The following BFSP2 variants were observed in gnomAD, a reference collection of about 807,000 sequenced individuals.
BFSP2 encodes beaded filament structural protein 2.
BFSP2 carries 38 observed loss-of-function variants against 44.9 expected under a neutral mutation model. The ratio of observed to expected loss-of-function variants is 0.85; its 90% CI spans 0.65 to 1.11. BFSP2 has a LOEUF of 1.11. BFSP2 is among the 50% of genes least tolerant of loss of function. The pLI is 0.00. For synonymous variants in BFSP2, 197 were observed against 209.9 expected (o/e 0.94, Z 0.53); for missense variants, 525 against 533.0 (o/e 0.99, Z 0.15).
At chr3:133,436,262 C>T (rs1349601767) in intron 1 of BFSP2, among the ~76,000 whole-genome samples, 1 of 142,446 alleles carries the variant, frequency 7.0e-6, no homozygotes, top group African/African-American at 2.7e-5. Flanking sequence ...GGAGGTGGAG[C>T]TTGCAGTGAG....
rs1356160427 is a variant in BFSP2, at chr3:133,433,260, A to G, written c.490-14057A>G. ...CCTGTTCCTCACCCTGATCACACTT[A>G]GTTTTTTGATGGCAGTTCCACCAGG... is the stretch of plus-strand genomic sequence containing the variant. On this transcript the variant is annotated intron_variant, in intron 1 of 6. Coordinates refer to ENST00000302334, the MANE Select transcript of BFSP2 (RefSeq NM_003571.4). Among the ~76,000 whole-genome samples the G allele has an allele frequency of 3.9e-4, 59 of 152,142 alleles. 1 individual carries two copies. Among genetic ancestry groups the G allele is most frequent in the African/African-American group, 1.4e-3 (58 of 41,468 alleles).
chr3:133,400,192 G>A lies in BFSP2; in HGVS notation c.109G>A (p.Glu37Lys). ...FRGPRSSSSLESPPASRTNAM... is the reference protein window; with the variant it reads ...FRGPRSSSSLKSPPASRTNAM... ...GGGGCCACGGTCATCATCCTCCCTG[G>A]AGAGCCCCCCAGCCTCCAGGACCAA... The change falls in exon 1 of 7, where the codon GAG (glutamate) becomes AAG (lysine). Residue 37 changes from glutamate (E) to lysine (K), a missense_variant. Transcript: ENST00000302334. This position sits in a 1 kb window ranked among gnomAD's most constrained non-coding sequence, Gnocchi z 4.0. The A allele has an allele frequency of 3.7e-6, 6 of 1,614,102 alleles. No homozygotes were observed. The highest frequency in any genetic ancestry group is 5.1e-6 in the Non-Finnish European group (6 of 1,180,022).
intron 1 of BFSP2, among the ~76,000 whole-genome samples, chr3:133,407,434 C>G (rs1171866599): frequency 6.6e-6 from 1 of 152,154 alleles, no homozygotes; most frequent in Non-Finnish European, 1.5e-5. Flanking sequence ...ATAAAGATGT[C>G]TCTTCTCCCT....
intron 1 of BFSP2, chr3:133,409,944 A>G: frequency 6.3e-6 from 1 of 158,878 alleles, no homozygotes; most frequent in Non-Finnish European, 1.4e-5. Context: ...AAAGAAGTCA[A>G]GATAAGCAAC....
intron 1 of BFSP2, among the ~76,000 whole-genome samples, chr3:133,406,020 G>A (rs188695019): frequency 2.4e-3 from 369 of 152,118 alleles, no homozygotes; most frequent in Admixed American, 4.2e-3. Context: ...GCGCAATCTC[G>A]GCTCACTGCA....
At chr3:133,412,295 AC>A (rs1253421760) in intron 1 of BFSP2, 5 of 152,228 alleles carry the variant, frequency 3.3e-5, no homozygotes, top group African/African-American at 9.6e-5. Context: ...CAGCTAGAAG[AC>A]CTACCTCATC....
At chr3:133,451,929 A>C (rs1576589202) in intron 4 of BFSP2, among the ~76,000 whole-genome samples, 1 of 152,228 alleles carries the variant, frequency 6.6e-6, no homozygotes, top group Non-Finnish European at 1.5e-5. Context: ...ACAAGGAAGG[A>C]AAATGTGGAA....
intron 4 of BFSP2, among the ~76,000 whole-genome samples, chr3:133,464,587 C>T (rs2074092307): frequency 6.6e-6 from 1 of 151,990 alleles, no homozygotes; most frequent in Non-Finnish European, 1.5e-5. Context: ...TAACTATTAC[C>T]ACTTTGTTAT....
intron 3 of BFSP2, 52 bp from the exon 4 acceptor site, chr3:133,450,251 T>C: frequency 6.3e-7 from 1 of 1,594,872 alleles, no homozygotes; most frequent in East Asian, 2.2e-5. Flanking sequence ...TAGAATTCTA[T>C]GCCATTTATT....
chr3:133,424,371 TCTTCTA>T (rs2073624966), intron 1 of BFSP2, among the ~76,000 whole-genome samples: 1 of 152,054 alleles, frequency 6.6e-6, no homozygotes, highest in South Asian at 2.1e-4. Flanking sequence ...CCCGGCCTTC[TCTTCTA>T]CTTCTATTCG....
At chr3:133,418,594 G>A (rs1386526194) in intron 1 of BFSP2, among the ~76,000 whole-genome samples, 1 of 152,068 alleles carries the variant, frequency 6.6e-6, no homozygotes, top group East Asian at 1.9e-4. Context: ...GGTGCAGTTG[G>A]CCCAGATCCA....
chr3:133,424,851 T>C (rs2073629095), intron 1 of BFSP2, among the ~76,000 whole-genome samples: 1 of 152,094 alleles, frequency 6.6e-6, no homozygotes, highest in African/African-American at 2.4e-5. Flanking sequence ...GCCAGGCTGG[T>C]CTCAAACTCC....
chr3:133,439,626 G>A (rs2073824939), intron 1 of BFSP2, among the ~76,000 whole-genome samples: 1 of 152,236 alleles, frequency 6.6e-6, no homozygotes, highest in South Asian at 2.1e-4. Flanking sequence ...GAGGCAGTCT[G>A]CCATGACATG....
chr3:133,403,860 G>T (rs956532750), intron 1 of BFSP2, among the ~76,000 whole-genome samples: 3 of 152,086 alleles, frequency 2.0e-5, no homozygotes, highest in African/African-American at 7.2e-5. Context: ...TTTCAGAAAA[G>T]CCAGGAAGAG....
At chr3:133,446,469 A>G (rs1011506350) in intron 1 of BFSP2, among the ~76,000 whole-genome samples, 1 of 148,768 alleles carries the variant, frequency 6.7e-6, no homozygotes, top group Non-Finnish European at 1.5e-5. Context: ...AAAATAAGAC[A>G]GCCACACTGG....
chr3:133,445,002 T>C (rs1273547895), intron 1 of BFSP2, among the ~76,000 whole-genome samples: 1 of 152,198 alleles, frequency 6.6e-6, no homozygotes, highest in Admixed American at 6.5e-5. Flanking sequence ...CTTCCCTCTA[T>C]GGTCTGGTCT....
At chr3:133,411,560 A>T (rs1199498105) in intron 1 of BFSP2, among the ~76,000 whole-genome samples, 1 of 152,170 alleles carries the variant, frequency 6.6e-6, no homozygotes, top group Non-Finnish European at 1.5e-5. Flanking sequence ...GAATATGATT[A>T]AGCCTCAAGA....
chr3:133,405,551 C>T (rs916338300), intron 1 of BFSP2, among the ~76,000 whole-genome samples: 3 of 152,128 alleles, frequency 2.0e-5, no homozygotes, highest in African/African-American at 4.8e-5. Context: ...AGAACTAATC[C>T]TTCTCCACTG....
At chr3:133,433,341 T>C (rs1316332180) in intron 1 of BFSP2, among the ~76,000 whole-genome samples, 8 of 152,230 alleles carry the variant, frequency 5.3e-5, no homozygotes, top group Admixed American at 2.0e-4. Context: ...GCCACTAGCC[T>C]GCCTCTTAAG....
Sources: allele counts gnomAD v4.1 joint callset (sites outside exome capture counted in the v4.1 genomes callset), GRCh38; gene constraint gnomAD v4.1.1; non-coding constraint Gnocchi (gnomAD v3.1); transcripts MANE v1.5; gene names NCBI Gene and HGNC (gene_info 2026-07-23, HGNC 2026-07-21).